The following DENND1A variants were observed in gnomAD, a reference collection of about 807,000 sequenced individuals.
DENND1A encodes DENN domain-containing protein 1A.
DENND1A carries 51 observed loss-of-function variants against 113.7 expected under a neutral mutation model. The ratio of observed to expected loss-of-function variants is 0.45; its 90% CI spans 0.36 to 0.57. DENND1A has a LOEUF of 0.57. Among genes scored for constraint, DENND1A ranks in the 20% least tolerant of loss-of-function variants. The probability of loss-of-function intolerance (pLI) is 0.00; values close to 1 mark genes in which losing one functional copy is unlikely to be tolerated. For missense variants in DENND1A, 1,258 were observed against 1,395.9 expected (o/e 0.90, Z 1.57); for synonymous variants, 565 against 570.8 (o/e 0.99, Z 0.14).
At chr9:123,682,805 G>A (rs1005499832) in intron 5 of DENND1A, among the ~76,000 whole-genome samples, 8 of 152,128 alleles carry the variant, frequency 5.3e-5, no homozygotes, top group South Asian at 2.1e-4. Flanking sequence ...TCCAGAACAC[G>A]CTTCCTGTCC....
At chr9:123,582,405 T>G (rs1313239633) in intron 12 of DENND1A, among the ~76,000 whole-genome samples, 1 of 147,924 alleles carries the variant, frequency 6.8e-6, no homozygotes, top group Non-Finnish European at 1.5e-5. Flanking sequence ...CTAACTTTCT[T>G]TTTTTTTTTT....
intron 12 of DENND1A, 145 bp downstream of exon 12, chr9:123,583,024 A>AC: frequency 1.7e-6 from 1 of 591,168 alleles, no homozygotes; most frequent in Non-Finnish European, 2.9e-6. Context: ...ACACTGAGAC[A>AC]AAGGTTTCAA....
At chr9:123,608,737 A>G (rs969652373) in intron 11 of DENND1A, among the ~76,000 whole-genome samples, 1 of 152,220 alleles carries the variant, frequency 6.6e-6, no homozygotes, top group African/African-American at 2.4e-5. Context: ...TGTTCACTGA[A>G]ATGCTATTTA....
At chr9:123,430,846 G>GAA (rs892713715) in intron 19 of DENND1A, among the ~76,000 whole-genome samples, 2 of 152,082 alleles carry the variant, frequency 1.3e-5, no homozygotes, top group African/African-American at 4.8e-5. Flanking sequence ...TATTGAAGAA[G>GAA]AAAAAATTAG....
At chr9:123,490,861 T>C (rs1374937722) in intron 13 of DENND1A, among the ~76,000 whole-genome samples, 2 of 152,252 alleles carry the variant, frequency 1.3e-5, no homozygotes, top group East Asian at 1.9e-4. Context: ...GCGAGGCACA[T>C]TGCAAGTGCT....
intron 11 of DENND1A, among the ~76,000 whole-genome samples, chr9:123,597,137 T>C (rs894587784): frequency 2.0e-5 from 3 of 152,184 alleles, no homozygotes; most frequent in Non-Finnish European, 4.4e-5. Flanking sequence ...CATTCATCAC[T>C]AAGCACTGCA....
At chr9:123,537,321 A>G (rs1278284864) in intron 13 of DENND1A, among the ~76,000 whole-genome samples, 1 of 152,008 alleles carries the variant, frequency 6.6e-6, no homozygotes, top group Admixed American at 6.5e-5. Flanking sequence ...TGCCTTAATA[A>G]AAACAAAAGA....
At chr9:123,810,673 G>T (rs1313434225) in intron 2 of DENND1A, among the ~76,000 whole-genome samples, 1 of 151,730 alleles carries the variant, frequency 6.6e-6, no homozygotes, top group Non-Finnish European at 1.5e-5. Flanking sequence ...GCCATCCTGG[G>T]CCACATACAG....
At chr9:123,715,180 CAA>C (rs34230918) in intron 5 of DENND1A, among the ~76,000 whole-genome samples, 1 of 148,110 alleles carries the variant, frequency 6.8e-6, no homozygotes. Context: ...ACTCTGTCTC[CAA>C]AAAAAATAAT....
At chr9:123,791,861 G>C (rs912857854) in intron 3 of DENND1A, among the ~76,000 whole-genome samples, 1 of 152,034 alleles carries the variant, frequency 6.6e-6, no homozygotes, top group African/African-American at 2.4e-5. Flanking sequence ...TTGCATATTT[G>C]AACTAAAAAT....
At chr9:123,582,267 C>T (rs368548061) in intron 12 of DENND1A, among the ~76,000 whole-genome samples, 3 of 152,188 alleles carry the variant, frequency 2.0e-5, no homozygotes, top group African/African-American at 4.8e-5. Flanking sequence ...GAGGTGGCAG[C>T]GTGCTGGGGA....
At chr9:123,855,195 C>G (rs2769937) in intron 2 of DENND1A, among the ~76,000 whole-genome samples, 137,332 of 150,924 alleles carry the variant, frequency 0.91, 63,429 homozygotes, top group East Asian at 0.98. Context: ...CTACTGAATA[C>G]GATTATTCTT....
intron 2 of DENND1A, among the ~76,000 whole-genome samples, chr9:123,833,122 CAAAAAAAAA>C (rs1163844269): frequency 2.9e-4 from 8 of 27,568 alleles, no homozygotes; most frequent in African/African-American, 4.5e-4. Context: ...GACCTCATCT[CAAAAAAAAA>C]AAAAAAAAAA....
chr9:123,801,643 A>T (rs532254008), intron 2 of DENND1A, among the ~76,000 whole-genome samples: 1 of 152,240 alleles, frequency 6.6e-6, no homozygotes, highest in South Asian at 2.1e-4. Flanking sequence ...TATATCCACA[A>T]GTCAAATTAC....
chr9:123,449,856 G>A (rs780063901), intron 18 of DENND1A, among the ~76,000 whole-genome samples: 1 of 152,088 alleles, frequency 6.6e-6, no homozygotes, highest in South Asian at 2.1e-4. Context: ...GGCTGGGAAG[G>A]GGGTGAGGGA....
In DENND1A at chr9:123,825,315, T is replaced by A. The variant is rs560883929; in HGVS notation, c.89-32685A>T. Among the ~76,000 whole-genome samples the A allele has an allele frequency of 8.8e-4, 125 of 141,830 alleles. 1 individual carries two copies. Among genetic ancestry groups the A allele is most frequent in the East Asian group, 4.1e-3 (20 of 4,924 alleles). The allele number at this position is 141,830 out of a possible 152,430, so 93.0% of individuals were successfully genotyped here. On this transcript the variant is annotated intron_variant, in intron 2 of 23. Coordinates refer to ENST00000394215, the MANE Select transcript of DENND1A (RefSeq NM_001352964.2). The stretch of plus-strand genomic sequence containing the variant: ...AACACTGATGACACAGCTCTTCTTT[T>A]AAAAAAAAAAAAAGAAAGAAAAGAA...
chr9:123,617,663 C>T (rs561989304), intron 10 of DENND1A, among the ~76,000 whole-genome samples: 8 of 152,308 alleles, frequency 5.3e-5, no homozygotes, highest in African/African-American at 1.9e-4. Context: ...ACTCGGAAAA[C>T]ATCAGGAAGG....
At chr9:123,626,023 C>CT (rs1399374516) in intron 10 of DENND1A, among the ~76,000 whole-genome samples, 1 of 152,018 alleles carries the variant, frequency 6.6e-6, no homozygotes, top group Non-Finnish European at 1.5e-5. Flanking sequence ...TCCTGCGTAG[C>CT]TGGGACTACA....
At chr9:123,427,077 A>G (rs2045791815) in intron 19 of DENND1A, among the ~76,000 whole-genome samples, 1 of 152,250 alleles carries the variant, frequency 6.6e-6, no homozygotes, top group Non-Finnish European at 1.5e-5. Flanking sequence ...CCTCATGAGA[A>G]TGCTGGTGGG....
Sources: gnomAD v4.1 joint callset for allele counts (sites outside exome capture counted in the v4.1 genomes callset) on GRCh38, gnomAD v4.1.1 for gene constraint, MANE v1.5 for transcripts, NCBI Gene and HGNC (gene_info 2026-07-23, HGNC 2026-07-21) for gene names.